NXPE2: variants seen among roughly 807,000 people sequenced by gnomAD.
The protein encoded by NXPE2 is neurexophilin and PC-esterase domain family member 2.
Under a neutral mutation model 34.4 loss-of-function variants are expected in NXPE2, and 34 were observed. The ratio of observed to expected loss-of-function variants is 0.99; its 90% confidence interval spans 0.75 to 1.31. The LOEUF is 1.31. Ranked by LOEUF, NXPE2 falls within the 40% of genes most tolerant of loss-of-function variation. NXPE2 has a pLI of 0.00. For missense variants in NXPE2, 649 were observed against 672.5 expected, an observed-to-expected ratio of 0.97 and a Z score of 0.39; for synonymous variants, 235 against 231.3, an observed-to-expected ratio of 1.02 and a Z score of -0.15.
chr11:114,574,960 C>T, the NXPE2 span, among the ~76,000 whole-genome samples: 3 of 151,998 alleles, frequency 2.0e-5, no homozygotes, highest in Non-Finnish European at 4.4e-5. Flanking sequence ...ACTAGCTAAC[C>T]AAATCCAATG....
chr11:114,467,925 C>T, the NXPE2 span, among the ~76,000 whole-genome samples: 1 of 151,738 alleles, frequency 6.6e-6, no homozygotes, highest in Non-Finnish European at 1.5e-5. Context: ...GAGAGAGAGA[C>T]ACCCTATCTC....
At chr11:114,635,243 A>T in the NXPE2 span, among the ~76,000 whole-genome samples, 2 of 149,766 alleles carry the variant, frequency 1.3e-5, no homozygotes, top group South Asian at 2.1e-4. Context: ...ATGGGAGTTC[A>T]CTCATGATTT....
chr11:114,627,027 C>A, the NXPE2 span, among the ~76,000 whole-genome samples: 1 of 151,682 alleles, frequency 6.6e-6, no homozygotes, highest in African/African-American at 2.4e-5. Flanking sequence ...TGTGACAAGA[C>A]CAAATCTACA....
At chr11:114,769,909 A>G in the NXPE2 span, among the ~76,000 whole-genome samples, 4 of 152,208 alleles carry the variant, frequency 2.6e-5, no homozygotes, top group African/African-American at 9.6e-5. Context: ...ATGTACATCT[A>G]TGTAACAAAC....
chr11:114,527,482 G>T, the NXPE2 span, among the ~76,000 whole-genome samples: 14 of 152,260 alleles, frequency 9.2e-5, no homozygotes, highest in African/African-American at 3.1e-4. Context: ...CTAAATGTTA[G>T]GGGGTTATGC....
chr11:114,580,026 T>A, the NXPE2 span: 1 of 995,794 alleles, frequency 1.0e-6, no homozygotes, highest in Non-Finnish European at 1.5e-6. Context: ...GTGTTGTGAT[T>A]GAAGAATATG....
chr11:114,606,344 T>A, the NXPE2 span, among the ~76,000 whole-genome samples: 1 of 151,468 alleles, frequency 6.6e-6, no homozygotes, highest in East Asian at 1.9e-4. Context: ...TGTTACCTTG[T>A]GGGTAACTAC....
intron 4 of NXPE2, 149 bp from the exon 5 acceptor site, chr11:114,705,632 A>G (rs143507181): frequency 4.1e-4 from 213 of 521,340 alleles, no homozygotes; most frequent in African/African-American, 4.0e-3. Context: ...GATCTTATTA[A>G]ATAAATATTT....
At chr11:114,548,913 T>C in the NXPE2 span, among the ~76,000 whole-genome samples, 1 of 151,816 alleles carries the variant, frequency 6.6e-6, no homozygotes, top group Non-Finnish European at 1.5e-5. Flanking sequence ...CACTAGTGAA[T>C]CTAATCAATT....
At chr11:114,777,366 T>G in the NXPE2 span, among the ~76,000 whole-genome samples, 2 of 152,226 alleles carry the variant, frequency 1.3e-5, no homozygotes, top group African/African-American at 4.8e-5. Context: ...TATGCATTTA[T>G]TGTATATTCT....
At chr11:114,554,350 A>G in the NXPE2 span, 1 of 985,206 alleles carries the variant, frequency 1.0e-6, no homozygotes, top group Non-Finnish European at 1.2e-6. Context: ...TACTTGTGTA[A>G]ATGAGAGGGG....
At chr11:114,734,285 A>C in the NXPE2 span, among the ~76,000 whole-genome samples, 1 of 152,202 alleles carries the variant, frequency 6.6e-6, no homozygotes, top group Non-Finnish European at 1.5e-5. Flanking sequence ...ATCTGATATA[A>C]ATTTGGCATA....
At chr11:114,646,776 T>A in the NXPE2 span, among the ~76,000 whole-genome samples, 1 of 152,224 alleles carries the variant, frequency 6.6e-6, no homozygotes, top group Non-Finnish European at 1.5e-5. Flanking sequence ...TTAAAGAGTT[T>A]TCTTTTTAAG....
chr11:114,782,599 G>T, the NXPE2 span, among the ~76,000 whole-genome samples: 2 of 152,212 alleles, frequency 1.3e-5, no homozygotes, highest in South Asian at 4.1e-4. Context: ...CAAGGAAACT[G>T]AAGCTCAGAT....
chr11:114,654,149 C>A, the NXPE2 span, among the ~76,000 whole-genome samples: 3 of 152,008 alleles, frequency 2.0e-5, no homozygotes, highest in Non-Finnish European at 4.4e-5. Flanking sequence ...CAATCTACAA[C>A]CCTCAGCCTG....
chr11:114,722,494 C>T, the NXPE2 span, among the ~76,000 whole-genome samples: 21 of 151,984 alleles, frequency 1.4e-4, no homozygotes, highest in East Asian at 1.4e-3. Context: ...ACACTATTTA[C>T]GTTTAATTTC....
At chr11:114,803,244 C>G in the NXPE2 span, among the ~76,000 whole-genome samples, 4 of 152,222 alleles carry the variant, frequency 2.6e-5, no homozygotes, top group African/African-American at 9.6e-5. Context: ...ATTTCTAAAC[C>G]TACACACTTC....
the NXPE2 span, among the ~76,000 whole-genome samples, chr11:114,541,856 C>T: frequency 6.6e-6 from 1 of 152,168 alleles, no homozygotes; most frequent in Non-Finnish European, 1.5e-5. Flanking sequence ...AAATATATCT[C>T]TTAATTCACT....
the NXPE2 span, among the ~76,000 whole-genome samples, chr11:114,465,864 G>T: frequency 1.3e-5 from 2 of 152,084 alleles, no homozygotes; most frequent in Non-Finnish European, 2.9e-5. Context: ...CAACGGCATG[G>T]CGCATAGAAC....
Sources: allele counts gnomAD v4.1 joint callset (sites outside exome capture counted in the v4.1 genomes callset), GRCh38; gene constraint gnomAD v4.1.1; transcripts MANE v1.5; gene names NCBI Gene and HGNC (gene_info 2026-07-23, HGNC 2026-07-21).